PRSS23: variants seen among roughly 807,000 people sequenced by gnomAD.
PRSS23 encodes protease, serine 23.
PRSS23 carries 25 observed loss-of-function variants against 34.7 expected under a neutral mutation model. The observed-to-expected ratio is 0.72, with a 90% confidence interval of 0.53 to 1.01. The LOEUF is 1.01. Ranked by LOEUF, PRSS23 falls within the 50% of genes least tolerant of loss-of-function variation. The probability of loss-of-function intolerance (pLI) is 0.00; values close to 1 mark genes in which losing one functional copy is unlikely to be tolerated. For synonymous variants in PRSS23, 176 were observed against 186.6 expected, an observed-to-expected ratio of 0.94 and a Z score of 0.46; for missense variants, 445 against 475.6, an observed-to-expected ratio of 0.94 and a Z score of 0.60.
downstream of PRSS23, among the ~76,000 whole-genome samples, chr11:86,814,527 G>A (rs1464493791): frequency 6.6e-6 from 1 of 152,180 alleles, no homozygotes; most frequent in Non-Finnish European, 1.5e-5. Context: ...TGTGCTTCAG[G>A]TTATGTTTAG....
rs1565392807 is a variant in PRSS23, at chr11:86,939,423, T to TTTTTTTTTTTTTAAAAA, written c.207-11793_207-11792insTTTTTTTTTTTTAAAAA. Among the ~76,000 whole-genome samples, 20 of 100,418 alleles carry TTTTTTTTTTTTTAAAAA rather than the reference T, an allele frequency of 2.0e-4. 1 individual carries two copies. The highest frequency in any genetic ancestry group is 4.5e-5 in the Non-Finnish European group (2 of 44,560). The allele number at this position is 100,418 out of a possible 152,430, so 65.9% of individuals were successfully genotyped here. On this transcript the variant is annotated intron_variant, in intron 2 of 2. Coordinates refer to the PRSS23 transcript ENST00000533902. ...AAAAAAATATATATATATATATATA[T>TTTTTTTTTTTTTAAAAA]ATATTTTTTAACATGAGTAAAAATT...
intron 2 of PRSS23, among the ~76,000 whole-genome samples, chr11:86,929,999 C>T (rs1394206642): frequency 6.6e-6 from 1 of 151,888 alleles, no homozygotes; most frequent in African/African-American, 2.4e-5. Context: ...AATAGTATAA[C>T]ACTAATAGTA....
chr11:86,900,299 G>A (rs1245054538), intron 2 of PRSS23, among the ~76,000 whole-genome samples: 2 of 152,164 alleles, frequency 1.3e-5, no homozygotes, highest in African/African-American at 4.8e-5. Context: ...CGGGACATTT[G>A]GTACAGGGAG....
At chr11:86,944,842 A>T (rs994507164) in intron 2 of PRSS23, among the ~76,000 whole-genome samples, 3 of 152,218 alleles carry the variant, frequency 2.0e-5, no homozygotes, top group African/African-American at 7.2e-5. Flanking sequence ...CAATCTGCAG[A>T]TAAGGAGAGT....
At chr11:86,801,061 A>C (rs1473869972) in intron 1 of PRSS23, among the ~76,000 whole-genome samples, 1 of 151,996 alleles carries the variant, frequency 6.6e-6, no homozygotes, top group Non-Finnish European at 1.5e-5. Flanking sequence ...CATATACCGG[A>C]TTCCATCAAG....
At chr11:86,813,066 G>A (rs1402551579), downstream of PRSS23, among the ~76,000 whole-genome samples, 2 of 152,156 alleles carry the variant, frequency 1.3e-5, no homozygotes, top group African/African-American at 4.8e-5. Flanking sequence ...ATATTTATCT[G>A]ACTCATTGCA....
At chr11:86,917,431 T>C (rs190421670) in intron 2 of PRSS23, among the ~76,000 whole-genome samples, 1 of 152,358 alleles carries the variant, frequency 6.6e-6, no homozygotes, top group Non-Finnish European at 1.5e-5. Context: ...GGTAGACACA[T>C]GAATGGATCT....
At chr11:86,951,150 C>T (rs1311319825) in intron 2 of PRSS23, 1 of 1,614,076 alleles carries the variant, frequency 6.2e-7, no homozygotes, top group South Asian at 1.1e-5. Context: ...CCTTATACCA[C>T]AGTCTCACTG....
At chr11:86,869,860 T>C (rs1948673496) in intron 2 of PRSS23, among the ~76,000 whole-genome samples, 1 of 152,198 alleles carries the variant, frequency 6.6e-6, no homozygotes, top group African/African-American at 2.4e-5. Flanking sequence ...TACATATCTT[T>C]CAGAGCCCAA....
chr11:86,808,503 C>T lies in PRSS23; in HGVS notation c.860C>T (p.Pro287Leu), dbSNP rs752834297. The part of the protein sequence containing the change: ...IHFSGYDNDR[P>L]GNLVYRFCDV... ...TTCTCTGGTTATGACAATGACCGAC[C>T]AGGCAATTTGGTGTATCGCTTCTGT... is the stretch of plus-strand genomic sequence containing the variant. Residue 287 changes from proline (P) to leucine (L), a missense_variant, in exon 2 of 2, where the codon CCA becomes CTA. Coordinates refer to ENST00000280258, the MANE Select transcript of PRSS23 (RefSeq NM_007173.6). 4 of 1,614,220 alleles carry T rather than the reference C, an allele frequency of 2.5e-6. No individual in the cohort carries two copies. The highest frequency in any genetic ancestry group is 2.5e-6 in the Non-Finnish European group (3 of 1,180,044).
intron 2 of PRSS23, among the ~76,000 whole-genome samples, chr11:86,859,886 T>G (rs150586264): frequency 6.6e-6 from 1 of 151,908 alleles, no homozygotes; most frequent in South Asian, 2.1e-4. Context: ...GGGGAGAGGA[T>G]GATATTACTC....
At chr11:86,849,929 G>A (rs932778900) in intron 2 of PRSS23, among the ~76,000 whole-genome samples, 1 of 151,050 alleles carries the variant, frequency 6.6e-6, no homozygotes, top group Admixed American at 6.6e-5. Context: ...AGCTGAAAGA[G>A]GAGGAACCTA....
intron 2 of PRSS23, among the ~76,000 whole-genome samples, chr11:86,939,892 T>C (rs1376828350): frequency 6.6e-6 from 1 of 152,104 alleles, no homozygotes; most frequent in African/African-American, 2.4e-5. Flanking sequence ...GAAAAAAATG[T>C]GGGCCCATGA....
In PRSS23 at chr11:86,914,935, C is replaced by T. The variant is rs17149520; in HGVS notation, c.207-36281C>T. 7.1e-3 allele frequency among the ~76,000 whole-genome samples: 1,075 copies of T among 152,216 alleles called. 18 individuals carry two copies. The highest frequency in any genetic ancestry group is 0.025 in the African/African-American group (1,044 of 41,524). ...TATAAATGGGAATACAAATGGGGCA[C>T]AAATAACCACGAGGGCTTTAGTGAG... On this transcript the variant is annotated intron_variant, in intron 2 of 2. Transcript: ENST00000533902.
chr11:86,819,084 A>T (rs1392715806), intron 1 of PRSS23, among the ~76,000 whole-genome samples: 3 of 152,230 alleles, frequency 2.0e-5, no homozygotes, highest in Non-Finnish European at 4.4e-5. Context: ...GCTCTCACCC[A>T]TATAACAAGT....
chr11:86,952,549 T>G, exon 3 of PRSS23: 1 of 1,514,318 alleles, frequency 6.6e-7, no homozygotes, highest in Non-Finnish European at 9.1e-7. Context: ...CAAAGCTGAG[T>G]TGAATGCTTC....
intron 2 of PRSS23, chr11:86,911,426 A>G (rs1266728538): frequency 6.7e-6 from 1 of 148,704 alleles, no homozygotes; most frequent in African/African-American, 2.4e-5. Flanking sequence ...TAGTGAACAT[A>G]GTACCCCAAA....
chr11:86,893,514 T>C (rs1212081349), intron 2 of PRSS23, among the ~76,000 whole-genome samples: 4 of 152,314 alleles, frequency 2.6e-5, no homozygotes, highest in African/African-American at 7.2e-5. Flanking sequence ...GGATGAATGA[T>C]GACTGAGAAA....
rs764502709 is a variant in PRSS23, at chr11:86,888,052, CA to C, written c.207-63153del. Among the ~76,000 whole-genome samples, 766 of 110,522 alleles carry C rather than the reference CA, an allele frequency of 6.9e-3. 2 individuals carry two copies. The highest frequency in any genetic ancestry group is 9.6e-3 in the Non-Finnish European group (518 of 53,804). 72.5% of individuals were successfully genotyped at this position (110,522 alleles called of 152,430 possible). A position where few individuals can be genotyped will look rare whatever the true frequency, so the allele number is the denominator to read the frequency against. On this transcript the variant is annotated intron_variant, in intron 2 of 2. Coordinates refer to the PRSS23 transcript ENST00000533902. Reference sequence around the variant, plus strand: ...AGGTAACAAGAGTGAAACTCTGTCTCAAAAAAAAAAACAAAAACAAAAACAC... The same window carrying C: ...AGGTAACAAGAGTGAAACTCTGTCTCAAAAAAAAAACAAAAACAAAAACAC...
Sources: allele counts gnomAD v4.1 joint callset (sites outside exome capture counted in the v4.1 genomes callset), GRCh38; gene constraint gnomAD v4.1.1; transcripts MANE v1.5; gene names NCBI Gene and HGNC (gene_info 2026-07-23, HGNC 2026-07-21).